Variants in EIF2AK3 observed in about 807,000 individuals in gnomAD.
The protein encoded by EIF2AK3 is eukaryotic translation initiation factor 2 alpha kinase 3, also known as eukaryotic translation initiation factor 2-alpha kinase 3.
In EIF2AK3, 50 loss-of-function variants were observed where a neutral mutation model predicts 113.5. The observed-to-expected ratio is 0.44, with a 90% CI of 0.35 to 0.56. EIF2AK3 has a LOEUF of 0.56. Ranked by LOEUF, EIF2AK3 falls within the 20% of genes least tolerant of loss-of-function variation. The probability of loss-of-function intolerance (pLI) is 0.00; values close to 1 mark genes in which losing one functional copy is unlikely to be tolerated. For synonymous variants in EIF2AK3, 448 were observed against 495.4 expected (o/e 0.90, Z 1.27); for missense variants, 1,185 against 1,378.0 (o/e 0.86, Z 2.22).
chr2:88,557,847 C>T lies in EIF2AK3; in HGVS notation c.3240G>A (p.Leu1080=). The T allele has an allele frequency of 6.2e-7, 1 of 1,614,080 alleles. No homozygotes were observed. The highest frequency in any genetic ancestry group is 1.1e-5 in the South Asian group (1 of 91,078). ...TGAGCACTGTTTTTCCTGGAAAGTCCAAGTCCTCAAATACAGCATTTTCAA... is the reference window on the plus strand; with the variant it reads ...TGAGCACTGTTTTTCCTGGAAAGTCTAAGTCCTCAAATACAGCATTTTCAA... The part of the protein sequence containing the change: ...NIIENAVFED[L]DFPGKTVLRQ... Residue 1080 remains leucine (L), a synonymous_variant, in exon 17 of 17, where the codon TTG becomes TTA. Transcript: ENST00000303236.
chr2:88,578,980 C>A (rs866510267), intron 11 of EIF2AK3, among the ~76,000 whole-genome samples: 4 of 151,886 alleles, frequency 2.6e-5, no homozygotes, highest in Non-Finnish European at 5.9e-5. Flanking sequence ...CCATAAAATA[C>A]TTTTAATATA....
intron 3 of EIF2AK3, chr2:88,593,803 G>C: frequency 2.6e-6 from 2 of 771,118 alleles, no homozygotes; most frequent in Non-Finnish European, 3.2e-6. Flanking sequence ...TTAAAAATTT[G>C]AAACTTTTCT....
chr2:88,590,833 C>T lies in EIF2AK3; in HGVS notation c.987G>A (p.Leu329=), dbSNP rs756131853. The part of the protein sequence containing the change: ...VMAFSKKGGH[L]EWEYQFCTPI... Reference sequence around the variant, plus strand: ...TGTTAGGTACCTGGTACTCCCATTCCAGATGTCCTCCCTTCTTACTGAATG... The same window carrying T: ...TGTTAGGTACCTGGTACTCCCATTCTAGATGTCCTCCCTTCTTACTGAATG... The change falls in exon 5 of 17, where the codon CTG becomes CTA. Residue 329 remains leucine (L), a synonymous_variant. Transcript: ENST00000303236. 3.7e-6 allele frequency: 6 copies of T among 1,614,066 alleles called. No individual in the cohort carries two copies. The highest frequency in any genetic ancestry group is 3.4e-6 in the Non-Finnish European group (4 of 1,179,958).
intron 3 of EIF2AK3, among the ~76,000 whole-genome samples, chr2:88,594,830 T>TAAAAAAAAAAAAAA (rs58582485): frequency 8.7e-6 from 1 of 115,080 alleles, no homozygotes; most frequent in Non-Finnish European, 1.7e-5. Context: ...TGTCAAAATG[T>TAAAAAAAAAAAAAA]AAAAAAAAAA....
intron 14 of EIF2AK3, among the ~76,000 whole-genome samples, chr2:88,565,798 T>C (rs1450900563): frequency 3.9e-5 from 6 of 152,240 alleles, no homozygotes; most frequent in African/African-American, 1.2e-4. Flanking sequence ...GATAGAAATA[T>C]GTATTTATAG....
intron 2 of EIF2AK3, among the ~76,000 whole-genome samples, chr2:88,612,453 A>T (rs1675479277): frequency 6.6e-6 from 1 of 152,246 alleles, no homozygotes; most frequent in Admixed American, 6.5e-5. Context: ...TATAAACTTA[A>T]TGTAATTTAC....
chr2:88,570,825 T>C (rs1308555284), intron 14 of EIF2AK3, 49 bp downstream of exon 14: 7 of 1,603,580 alleles, frequency 4.4e-6, no homozygotes, highest in Non-Finnish European at 6.0e-6. Flanking sequence ...AAGAGATTCA[T>C]CAGGTACATC....
rs201004765 is a variant in EIF2AK3, at chr2:88,557,949, A to T, written c.3151-13T>A. 49 of 1,613,872 alleles carry T rather than the reference A, an allele frequency of 3.0e-5. No homozygotes were observed. The African/African-American group carries it at 6.3e-4, about 21-fold the overall frequency. On this transcript the variant is annotated splice_polypyrimidine_tract_variant and intron_variant, in intron 16 of 16. Coordinates refer to ENST00000303236, the MANE Select transcript of EIF2AK3 (RefSeq NM_004836.7). ...GAACCATCACGTACTGAAAATATAA[A>T]AATTGTTTTGTGATAAAACGGCCAG...
chr2:88,585,792 T>C (rs1170766579), intron 9 of EIF2AK3, 49 bp downstream of exon 9: 3 of 1,572,730 alleles, frequency 1.9e-6, no homozygotes, highest in Non-Finnish European at 2.6e-6. Flanking sequence ...GAGAAGCAAA[T>C]AGGAGGTGGG....
At chr2:88,571,395 ATAAC>A (rs746185546) in intron 13 of EIF2AK3, among the ~76,000 whole-genome samples, 3 of 152,232 alleles carry the variant, frequency 2.0e-5, no homozygotes, top group Non-Finnish European at 2.9e-5. Context: ...CTTAATAATT[ATAAC>A]TAATAATAAC....
At chr2:88,609,645 T>C (rs1019893412) in intron 2 of EIF2AK3, among the ~76,000 whole-genome samples, 2 of 152,170 alleles carry the variant, frequency 1.3e-5, no homozygotes, top group Non-Finnish European at 2.9e-5. Flanking sequence ...TAGAACTGAG[T>C]TGTGAGCTGA....
At chr2:88,613,345 G>A (rs1455921106) in intron 2 of EIF2AK3, among the ~76,000 whole-genome samples, 1 of 152,116 alleles carries the variant, frequency 6.6e-6, no homozygotes, top group Non-Finnish European at 1.5e-5. Context: ...TTGCAGCACA[G>A]ATTTCTAACT....
rs539891019 is a variant in EIF2AK3, at chr2:88,627,039, G to T, written c.236C>A (p.Pro79Gln). ...EVTVEDAEAL[P>Q]AAAGEQEPRG... is the part of the protein sequence containing the mutation. ...AGGCTCCTGCTCTCCCGCGGCTGCC[G>T]GCAGCGCCTCAGCGTCCTCCACAGT... Residue 79 changes from proline (P) to glutamine (Q), a missense_variant, in exon 1 of 17, where the codon CCG becomes CAG. Coordinates refer to ENST00000303236, the MANE Select transcript of EIF2AK3 (RefSeq NM_004836.7). 1.2e-6 allele frequency: 2 copies of T among 1,602,104 alleles called. No individual in the cohort carries two copies. Among genetic ancestry groups the T allele is most frequent in the Middle Eastern group, 1.8e-4 (1 of 5,660 alleles).
At chr2:88,616,969 C>T (rs1675602612) in intron 1 of EIF2AK3, among the ~76,000 whole-genome samples, 1 of 152,160 alleles carries the variant, frequency 6.6e-6, no homozygotes, top group Admixed American at 6.5e-5. Flanking sequence ...TTATGGGCTC[C>T]TCCCCAGAAG....
chr2:88,593,382 C>T lies in EIF2AK3; in HGVS notation c.657G>A (p.Leu219=). The part of the protein sequence containing the change: ...SGKVRYICSA[L]GCRQWDSDEM... ...CGTCACTATCCCATTGGCGACAACC[C>T]AGAGCTGAACAGATATACCTCACCT... The change falls in exon 4 of 17, where the codon CTG becomes CTA. Residue 219 remains leucine (L), a synonymous_variant. Coordinates refer to ENST00000303236, the MANE Select transcript of EIF2AK3 (RefSeq NM_004836.7). 6.2e-7 allele frequency: 1 copy of T among 1,613,874 alleles called. No individual in the cohort carries two copies. The highest frequency in any genetic ancestry group is 1.1e-5 in the South Asian group (1 of 91,068).
intron 11 of EIF2AK3, among the ~76,000 whole-genome samples, chr2:88,579,312 G>C (rs958699404): frequency 6.6e-6 from 1 of 152,102 alleles, no homozygotes; most frequent in Admixed American, 6.6e-5. Context: ...AAAAACAAGG[G>C]CATATTTTAA....
At chr2:88,570,650 A>G (rs910871212) in intron 14 of EIF2AK3, among the ~76,000 whole-genome samples, 6 of 152,094 alleles carry the variant, frequency 3.9e-5, no homozygotes, top group Admixed American at 2.6e-4. Flanking sequence ...TCAGGGGGTG[A>G]GTGCATTTTA....
At chr2:88,620,010 A>G (rs1186560944) in intron 1 of EIF2AK3, among the ~76,000 whole-genome samples, 1 of 151,732 alleles carries the variant, frequency 6.6e-6, no homozygotes, top group East Asian at 1.9e-4. Flanking sequence ...CTCTTGCTCT[A>G]GAAGATTCTC....
At chr2:88,623,534 T>G (rs1675785022) in intron 1 of EIF2AK3, among the ~76,000 whole-genome samples, 1 of 152,112 alleles carries the variant, frequency 6.6e-6, no homozygotes, top group African/African-American at 2.4e-5. Context: ...TAAAGATAAT[T>G]CCACACCTCC....
Sources: allele counts gnomAD v4.1 joint callset (sites outside exome capture counted in the v4.1 genomes callset), GRCh38; gene constraint gnomAD v4.1.1; transcripts MANE v1.5; gene names NCBI Gene and HGNC (gene_info 2026-07-23, HGNC 2026-07-21).